The following RC3H1 variants were observed in gnomAD, a reference collection of about 807,000 sequenced individuals.
The protein encoded by RC3H1 is ring finger and CCCH-type domains 1, also known as roquin-1.
Under a neutral mutation model 138.2 loss-of-function variants are expected in RC3H1, and 50 were observed. That is an observed-to-expected ratio of 0.36 (90% CI 0.29 to 0.46). The LOEUF (loss-of-function observed/expected upper bound fraction) is 0.46, where lower values mean the gene tolerates loss of function less well. Ranked by LOEUF, RC3H1 falls within the 20% of genes least tolerant of loss-of-function variation. The pLI is 1.00. For missense variants in RC3H1, 1,031 were observed against 1,388.1 expected, an observed-to-expected ratio of 0.74 and a Z score of 4.09; for synonymous variants, 462 against 489.1, an observed-to-expected ratio of 0.94 and a Z score of 0.73.
Position 173,947,388 on chromosome 1 carries a change from T to G in RC3H1, c.2718A>C (p.Thr906=), listed in dbSNP as rs367910059. 3 of 1,613,476 alleles carry G rather than the reference T, an allele frequency of 1.9e-6. No individual in the cohort carries two copies. The African/African-American group carries it at 4.0e-5, about 22-fold the overall frequency. Residue 906 remains threonine (T), a synonymous_variant, in exon 15 of 20, where the codon ACA becomes ACC. Transcript: ENST00000367696. ...MQAMAPQGAP[T]KSINISDYSP... is the part of the protein sequence containing the mutation. ...TCTTACCTGAAATGTTAATAGATTTTGTAGGAGCTCCCTGAGGTGCCATAG... is the reference window on the plus strand; with the variant it reads ...TCTTACCTGAAATGTTAATAGATTTGGTAGGAGCTCCCTGAGGTGCCATAG...
intron 13 of RC3H1, among the ~76,000 whole-genome samples, chr1:173,958,708 C>T (rs1659745728): frequency 1.3e-5 from 2 of 151,896 alleles, no homozygotes; most frequent in African/African-American, 4.8e-5. Context: ...TTCACTATAA[C>T]TACTAGCATT....
At chr1:173,941,647 G>A (rs1334409809) in intron 18 of RC3H1, among the ~76,000 whole-genome samples, 3 of 152,174 alleles carry the variant, frequency 2.0e-5, no homozygotes, top group Admixed American at 2.0e-4. Context: ...CAATGACCTA[G>A]AAAGGCGGCC....
chr1:173,971,580 G>A (rs1293077434), intron 8 of RC3H1, among the ~76,000 whole-genome samples: 1 of 152,102 alleles, frequency 6.6e-6, no homozygotes, highest in Non-Finnish European at 1.5e-5. Flanking sequence ...CACTAAACTG[G>A]ACAAAATTTA....
Sources: allele counts gnomAD v4.1 joint callset (sites outside exome capture counted in the v4.1 genomes callset), GRCh38; gene constraint gnomAD v4.1.1; transcripts MANE v1.5; gene names NCBI Gene and HGNC (gene_info 2026-07-23, HGNC 2026-07-21).